DPYD: variants seen among roughly 807,000 people sequenced by gnomAD.
The protein encoded by DPYD is dihydropyrimidine dehydrogenase.
In DPYD, 109 loss-of-function variants were observed where a neutral mutation model predicts 116.2. The ratio of observed to expected loss-of-function variants is 0.94; its 90% confidence interval spans 0.80 to 1.10. The LOEUF (loss-of-function observed/expected upper bound fraction) is 1.10, where lower values mean the gene tolerates loss of function less well. Ranked by LOEUF, DPYD falls within the 50% of genes least tolerant of loss-of-function variation. DPYD has a pLI of 0.00. For missense variants in DPYD, 1,302 were observed against 1,254.5 expected (o/e 1.04, Z -0.57); for synonymous variants, 440 against 432.0 (o/e 1.02, Z -0.23).
At chr1:97,708,175 A>G (rs1342540193) in intron 5 of DPYD, among the ~76,000 whole-genome samples, 1 of 152,056 alleles carries the variant, frequency 6.6e-6, no homozygotes, top group Non-Finnish European at 1.5e-5. Flanking sequence ...CTTATCAATA[A>G]TTTATTTTAT....
intron 5 of DPYD, among the ~76,000 whole-genome samples, chr1:97,708,892 T>C (rs1662131898): frequency 6.6e-6 from 1 of 152,074 alleles, no homozygotes; most frequent in Non-Finnish European, 1.5e-5. Flanking sequence ...TTTTTAAGGA[T>C]GCAAATGTAA....
chr1:97,755,241 T>A (rs1210332083), intron 3 of DPYD, among the ~76,000 whole-genome samples: 2 of 152,090 alleles, frequency 1.3e-5, no homozygotes, highest in African/African-American at 4.8e-5. Flanking sequence ...AAACAGAGAT[T>A]CCTTCAACAC....
chr1:97,843,361 A>G (rs971859677), intron 2 of DPYD, among the ~76,000 whole-genome samples: 1 of 152,184 alleles, frequency 6.6e-6, no homozygotes, highest in African/African-American at 2.4e-5. Context: ...CAGATTTAGT[A>G]GAAGAGGCTA....
chr1:97,775,774 G>T (rs914976433), intron 3 of DPYD, among the ~76,000 whole-genome samples: 1 of 152,222 alleles, frequency 6.6e-6, no homozygotes, highest in Non-Finnish European at 1.5e-5. Flanking sequence ...CCAGAAAATT[G>T]AATGATACCA....
At chr1:97,719,612 A>T in intron 5 of DPYD, 2 of 718,466 alleles carry the variant, frequency 2.8e-6, no homozygotes, top group Non-Finnish European at 3.4e-6. Flanking sequence ...AAACGGAGTT[A>T]CTCGTTTTGT....
chr1:97,862,883 T>C lies in DPYD; in HGVS notation c.150+20381A>G, dbSNP rs539210949. Among the ~76,000 whole-genome samples, 20 of 151,954 alleles carry C rather than the reference T, an allele frequency of 1.3e-4. No homozygotes were observed. The South Asian group carries it at 3.7e-3, about 28-fold the overall frequency. On this transcript the variant is annotated intron_variant, in intron 2 of 22. Coordinates refer to ENST00000370192, the MANE Select transcript of DPYD (RefSeq NM_000110.4). Reference sequence around the variant, plus strand: ...GTGAATGAGAAAATGATAACAAATATAGCAACAGGAAAAACATGCCCATTT... The same window carrying C: ...GTGAATGAGAAAATGATAACAAATACAGCAACAGGAAAAACATGCCCATTT...
intron 14 of DPYD, among the ~76,000 whole-genome samples, chr1:97,432,741 A>G (rs186994998): frequency 6.6e-6 from 1 of 152,254 alleles, no homozygotes; most frequent in East Asian, 1.9e-4. Flanking sequence ...AGGGCACACC[A>G]CTTCTCTTAT....
chr1:97,425,605 G>T (rs12123121), intron 14 of DPYD, among the ~76,000 whole-genome samples: 32,692 of 151,896 alleles, frequency 0.22, 3,769 homozygotes, highest in Middle Eastern at 0.32. Context: ...GTCTACGAAG[G>T]CATCTATAAT....
chr1:97,157,470 G>T (rs911800927), intron 20 of DPYD, among the ~76,000 whole-genome samples: 1 of 151,968 alleles, frequency 6.6e-6, no homozygotes, highest in Non-Finnish European at 1.5e-5. Flanking sequence ...AATAAGATGG[G>T]TTTTATTACC....
intron 13 of DPYD, among the ~76,000 whole-genome samples, chr1:97,464,478 T>C (rs1570776023): frequency 6.6e-6 from 1 of 151,274 alleles, no homozygotes; most frequent in Non-Finnish European, 1.5e-5. Context: ...GGCTCAGAGG[T>C]TTAGGAGGAA....
chr1:97,866,972 G>C (rs910638094), intron 2 of DPYD, among the ~76,000 whole-genome samples: 4 of 151,740 alleles, frequency 2.6e-5, no homozygotes, highest in Non-Finnish European at 4.4e-5. Flanking sequence ...AATAGGACCA[G>C]GTTTTATTCT....
At chr1:97,488,560 TAA>T in intron 13 of DPYD, among the ~76,000 whole-genome samples, 1 of 152,322 alleles carries the variant, frequency 6.6e-6, no homozygotes, top group South Asian at 2.1e-4. Context: ...CTACAAGTGC[TAA>T]GTCAGAAGAA....
chr1:97,593,730 T>C lies in DPYD; in HGVS notation c.959-343A>G, dbSNP rs555764720. On this transcript the variant is annotated intron_variant, in intron 9 of 22. Transcript: ENST00000370192. ...TATCTTTAACTCAGCATAATTTTCC[T>C]TTTGCTAGAAGAAAAAAGTGATCCT... Among the ~76,000 whole-genome samples, 5 of 152,322 alleles carry C rather than the reference T, an allele frequency of 3.3e-5. No homozygotes were observed. The South Asian group carries it at 1.0e-3, about 32-fold the overall frequency.
At chr1:97,205,610 TAAAA>T (rs1659536298) in intron 19 of DPYD, among the ~76,000 whole-genome samples, 1 of 152,142 alleles carries the variant, frequency 6.6e-6, no homozygotes, top group Non-Finnish European at 1.5e-5. Flanking sequence ...TAACAGTTAA[TAAAA>T]TAAATAATTC....
chr1:97,323,449 T>A (rs1298757478), intron 16 of DPYD, among the ~76,000 whole-genome samples: 1 of 101,764 alleles, frequency 9.8e-6, no homozygotes, highest in East Asian at 3.5e-4. Context: ...TACACGTATA[T>A]ACATATCATA....
chr1:97,455,977 C>G (rs1481394809), intron 13 of DPYD, among the ~76,000 whole-genome samples: 2 of 151,762 alleles, frequency 1.3e-5, no homozygotes, highest in Non-Finnish European at 2.9e-5. Flanking sequence ...AAAAATAGCA[C>G]TATTATCCTA....
intron 14 of DPYD, among the ~76,000 whole-genome samples, chr1:97,432,249 T>C (rs759305620): frequency 1.3e-5 from 2 of 152,060 alleles, no homozygotes. Flanking sequence ...CATACGGTAG[T>C]TCTATTTTTA....
At chr1:97,459,500 G>A (rs1676899881) in intron 13 of DPYD, among the ~76,000 whole-genome samples, 1 of 151,960 alleles carries the variant, frequency 6.6e-6, no homozygotes. Flanking sequence ...TAGTATACAA[G>A]AAAGGGAAGA....
chr1:97,376,340 T>C (rs1031167900), intron 15 of DPYD, among the ~76,000 whole-genome samples: 2 of 152,172 alleles, frequency 1.3e-5, no homozygotes, highest in Non-Finnish European at 2.9e-5. Context: ...AAGCTTGAAG[T>C]AAAAATTAAA....
Sources: allele counts gnomAD v4.1 joint callset (sites outside exome capture counted in the v4.1 genomes callset), GRCh38; gene constraint gnomAD v4.1.1; transcripts MANE v1.5; gene names NCBI Gene and HGNC (gene_info 2026-07-23, HGNC 2026-07-21).